The following KCNK2 variants were observed in gnomAD, a reference collection of about 807,000 sequenced individuals.
The protein encoded by KCNK2 is potassium channel subfamily K member 2.
A neutral mutation model predicts 40.5 loss-of-function variants in KCNK2; 21 were observed. The observed-to-expected ratio is 0.52, with a 90% CI of 0.37 to 0.75. The LOEUF (loss-of-function observed/expected upper bound fraction) is 0.75, where lower values mean the gene tolerates loss of function less well. KCNK2 is among the 30% of genes least tolerant of loss of function. The probability of loss-of-function intolerance (pLI) is 0.00; values close to 1 mark genes in which losing one functional copy is unlikely to be tolerated. For synonymous variants in KCNK2, 191 were observed against 202.2 expected (o/e 0.94, Z 0.47); for missense variants, 399 against 531.6 (o/e 0.75, Z 2.45).
At chr1:215,157,168 A>C (rs1417601778) in intron 3 of KCNK2, among the ~76,000 whole-genome samples, 1 of 152,210 alleles carries the variant, frequency 6.6e-6, no homozygotes, top group African/African-American at 2.4e-5. Context: ...CATCTATTAA[A>C]GATAATTTCA....
chr1:215,050,354 G>C (rs535020258), intron 1 of KCNK2, among the ~76,000 whole-genome samples: 1 of 152,102 alleles, frequency 6.6e-6, no homozygotes, highest in African/African-American at 2.4e-5. Flanking sequence ...TTCCGAACTC[G>C]AAGATTTCTT....
intron 2 of KCNK2, among the ~76,000 whole-genome samples, chr1:215,091,720 T>C (rs956601572): frequency 1.3e-5 from 2 of 152,132 alleles, no homozygotes; most frequent in Non-Finnish European, 2.9e-5. Flanking sequence ...TTGGATGGCG[T>C]TGGTGATTAA....
intron 6 of KCNK2, among the ~76,000 whole-genome samples, chr1:215,209,271 TAAATATACAC>T (rs1665462583): frequency 5.2e-5 from 6 of 115,284 alleles, no homozygotes; most frequent in African/African-American, 1.8e-4. Flanking sequence ...ATAAAATATA[TAAATATACAC>T]ATATTTTATA....
chr1:215,234,673 T>C (rs540666403), intron 6 of KCNK2, among the ~76,000 whole-genome samples, 155 bp from the exon 7 acceptor site: 1 of 152,326 alleles, frequency 6.6e-6, no homozygotes, highest in East Asian at 1.9e-4. Context: ...GTGTATACCC[T>C]GCCTAATTTC....
intron 3 of KCNK2, among the ~76,000 whole-genome samples, chr1:215,161,596 G>A (rs1202254725): frequency 6.9e-6 from 1 of 144,636 alleles, no homozygotes; most frequent in Non-Finnish European, 1.5e-5. Flanking sequence ...GCCCCCGACA[G>A]GCCCCAGTGT....
intron 5 of KCNK2, among the ~76,000 whole-genome samples, chr1:215,182,162 TGAACCAGGCA>T (rs1234956079): frequency 6.6e-6 from 1 of 152,062 alleles, no homozygotes; most frequent in Admixed American, 6.6e-5. Flanking sequence ...CTCAGGCTGC[TGAACCAGGCA>T]AACAGATGCT....
intron 3 of KCNK2, among the ~76,000 whole-genome samples, chr1:215,130,621 T>C (rs781247832): frequency 1.1e-4 from 17 of 152,114 alleles, no homozygotes; most frequent in Non-Finnish European, 2.5e-4. Flanking sequence ...CAGAATTGAA[T>C]TGAATTGTTG....
chr1:215,187,539 T>TAAA (rs140608459), intron 5 of KCNK2, among the ~76,000 whole-genome samples: 2 of 149,282 alleles, frequency 1.3e-5, no homozygotes, highest in African/African-American at 4.9e-5. Context: ...GTCCAAGACT[T>TAAA]AAAAAAAAAA....
In KCNK2 at chr1:215,093,362, T is replaced by A. The variant is rs1447687902; in HGVS notation, c.357+6684T>A. ...AATATACATATATATAAAATATACA[T>A]ATATTATATATAAAATATACATATA... On this transcript the variant is annotated intron_variant, in intron 2 of 6. Transcript: ENST00000444842. 5.0e-5 allele frequency among the ~76,000 whole-genome samples: 7 copies of A among 140,122 alleles called. No individual in the cohort carries two copies. The Admixed American group carries it at 5.4e-4, about 11-fold the overall frequency. 91.9% of individuals were successfully genotyped at this position (140,122 alleles called of 152,430 possible).
chr1:215,147,864 C>T (rs995472691), intron 3 of KCNK2, among the ~76,000 whole-genome samples: 3 of 151,858 alleles, frequency 2.0e-5, no homozygotes, highest in South Asian at 2.1e-4. Context: ...AACAAAAACA[C>T]GAGATGTGAT....
intron 1 of KCNK2, among the ~76,000 whole-genome samples, chr1:215,011,886 G>A (rs1257534769): frequency 6.6e-6 from 1 of 151,248 alleles, no homozygotes; most frequent in African/African-American, 2.4e-5. Context: ...GTTTACAGGC[G>A]TGAGTCACCG....
At chr1:215,199,934 C>T (rs962154750) in intron 6 of KCNK2, among the ~76,000 whole-genome samples, 1 of 152,100 alleles carries the variant, frequency 6.6e-6, no homozygotes, top group Non-Finnish European at 1.5e-5. Context: ...CATATTTCTT[C>T]TATCGATGCC....
intron 1 of KCNK2, among the ~76,000 whole-genome samples, chr1:215,006,747 C>T (rs1656140271): frequency 1.3e-5 from 2 of 151,730 alleles, no homozygotes; most frequent in South Asian, 2.1e-4. Flanking sequence ...TAATAGGACA[C>T]GTTTCCTGTT....
rs1558150247 is a variant in KCNK2 at position 215,230,511 on chromosome 1, A to ATATATATATATATATATATATATATG, written c.964-4296_964-4295insATATGTATATATATATATATATATAT. Among the ~76,000 whole-genome samples the ATATATATATATATATATATATATATG allele has an allele frequency of 6.0e-3, 142 of 23,782 alleles. 5 individuals carry two copies. In the South Asian group the frequency reaches 0.25, roughly 41 times the overall value. The allele number at this position is 23,782 out of a possible 152,430, so 15.6% of individuals were successfully genotyped here. A position where few individuals can be genotyped will look rare whatever the true frequency, so the allele number is the denominator to read the frequency against. ...CACACACACACACACACGGCTGTAT[A>ATATATATATATATATATATATATATG]TATATATATATATATATATATGTAT... is the stretch of plus-strand genomic sequence containing the variant. On this transcript the variant is annotated intron_variant, in intron 6 of 6. Transcript: ENST00000444842.
chr1:215,175,179 G>A (rs1663902850), intron 5 of KCNK2, among the ~76,000 whole-genome samples: 1 of 152,050 alleles, frequency 6.6e-6, no homozygotes, highest in South Asian at 2.1e-4. Context: ...TAGCATGAAG[G>A]GCTGTTTAGT....
At chr1:215,084,438 T>C (rs1659340491) in intron 1 of KCNK2, among the ~76,000 whole-genome samples, 2 of 152,220 alleles carry the variant, frequency 1.3e-5, no homozygotes, top group Non-Finnish European at 2.9e-5. Flanking sequence ...GAGATAATTG[T>C]GGAACTTCTA....
chr1:215,199,025 T>C (rs1664977670), intron 6 of KCNK2, among the ~76,000 whole-genome samples: 1 of 152,160 alleles, frequency 6.6e-6, no homozygotes, highest in Admixed American at 6.6e-5. Context: ...TTAAAACATA[T>C]TCTGTTTCCA....
chr1:215,073,304 T>C (rs1658820582), intron 1 of KCNK2, among the ~76,000 whole-genome samples: 1 of 152,116 alleles, frequency 6.6e-6, no homozygotes, highest in Non-Finnish European at 1.5e-5. Flanking sequence ...TTTTGGCACT[T>C]TGTTATAGCA....
At chr1:215,180,348 A>G (rs887358919) in intron 5 of KCNK2, among the ~76,000 whole-genome samples, 2 of 151,986 alleles carry the variant, frequency 1.3e-5, no homozygotes, top group African/African-American at 4.8e-5. Flanking sequence ...GGGCATTTAG[A>G]CCATTTACAT....
Sources: gnomAD v4.1 joint callset for allele counts (sites outside exome capture counted in the v4.1 genomes callset) on GRCh38, gnomAD v4.1.1 for gene constraint, MANE v1.5 for transcripts, NCBI Gene and HGNC (gene_info 2026-07-23, HGNC 2026-07-21) for gene names.